Variants in TOX observed in about 807,000 individuals in gnomAD.
TOX encodes thymocyte selection associated high mobility group box.
Under a neutral mutation model 53.7 loss-of-function variants are expected in TOX, and 11 were observed. The ratio of observed to expected loss-of-function variants is 0.20; its 90% CI spans 0.13 to 0.34. The LOEUF (loss-of-function observed/expected upper bound fraction) is 0.34. Ranked by LOEUF, TOX falls within the 10% of genes least tolerant of loss-of-function variation. The pLI is 1.00. For synonymous variants in TOX, 225 were observed against 245.3 expected (o/e 0.92, Z 0.77); for missense variants, 570 against 664.6 (o/e 0.86, Z 1.56).
At chr8:58,842,618 C>T (rs10504263) in intron 4 of TOX, among the ~76,000 whole-genome samples, 27,305 of 152,094 alleles carry the variant, frequency 0.18, 2,767 homozygotes, top group Non-Finnish European at 0.23. Flanking sequence ...CAGTATGGTA[C>T]GGGCTTTAGA....
In TOX at chr8:58,819,197, G is replaced by A. The variant is rs1810230266; in HGVS notation, c.1006-3473C>T. Among the ~76,000 whole-genome samples, 3 of 152,134 alleles carry A rather than the reference G, an allele frequency of 2.0e-5. No individual in the cohort carries two copies. In the South Asian group the frequency reaches 6.2e-4, roughly 32 times the overall value. Reference sequence around the variant, plus strand: ...ACTGTGAAAGCAAGGCTACAATTTTGCTGATCAATTATATTGCATATGAAG... The same window carrying A: ...ACTGTGAAAGCAAGGCTACAATTTTACTGATCAATTATATTGCATATGAAG... On this transcript the variant is annotated intron_variant, in intron 6 of 8. Transcript: ENST00000361421.
At chr8:58,842,638 A>C (rs990684482) in intron 4 of TOX, among the ~76,000 whole-genome samples, 7 of 152,158 alleles carry the variant, frequency 4.6e-5, no homozygotes, top group Admixed American at 1.3e-4. Context: ...ATCTACTGGA[A>C]GTGTGATTCC....
At chr8:59,008,507 G>A (rs535341845) in intron 1 of TOX, among the ~76,000 whole-genome samples, 1 of 152,360 alleles carries the variant, frequency 6.6e-6, no homozygotes, top group African/African-American at 2.4e-5. Context: ...GGAAAGGACC[G>A]GAGGTCCACG....
At chr8:58,940,847 C>A (rs1812425868) in intron 2 of TOX, among the ~76,000 whole-genome samples, 2 of 152,110 alleles carry the variant, frequency 1.3e-5, no homozygotes. Flanking sequence ...TCTTCAAGTT[C>A]CACTTTCTAA....
chr8:58,815,281 C>T (rs1402333929), intron 7 of TOX, 57 bp downstream of exon 7: 8 of 1,519,336 alleles, frequency 5.3e-6, no homozygotes, highest in Admixed American at 2.1e-5. Context: ...CCCCCACCTC[C>T]ACCACCACAC....
intron 3 of TOX, among the ~76,000 whole-genome samples, chr8:58,886,579 A>G (rs1811471982): frequency 6.6e-6 from 1 of 152,162 alleles, no homozygotes; most frequent in African/African-American, 2.4e-5. Flanking sequence ...CAGTTAAAAT[A>G]ATTATTTTGA....
rs1287294937 is a variant in TOX, at chr8:58,814,387, T to C, written c.1392+951A>G. On this transcript the variant is annotated intron_variant, in intron 7 of 8. Transcript: ENST00000361421. ...GTGATTTGTAGTTTTTACTTTTATT[T>C]ATTTTTTTAAAAAATTATATTCAGT... The C allele has an allele frequency of 3.9e-5, 6 of 152,166 alleles. No homozygotes were observed. In the East Asian group the frequency reaches 7.7e-4, roughly 20 times the overall value. 9.4% of individuals were successfully genotyped at this position (152,166 alleles called of 1,614,324 possible).
intron 6 of TOX, among the ~76,000 whole-genome samples, chr8:58,822,160 T>C (rs1318014428): frequency 6.6e-6 from 1 of 152,244 alleles, no homozygotes. Context: ...CAGATTAAAT[T>C]AATCTAATTT....
chr8:58,823,661 G>T (rs1333406892), intron 6 of TOX, among the ~76,000 whole-genome samples: 2 of 152,168 alleles, frequency 1.3e-5, no homozygotes, highest in East Asian at 3.9e-4. Flanking sequence ...TAATTTTAAA[G>T]GATCACTTCA....
intron 3 of TOX, among the ~76,000 whole-genome samples, chr8:58,921,374 T>C (rs1034608188): frequency 6.6e-6 from 1 of 152,178 alleles, no homozygotes; most frequent in African/African-American, 2.4e-5. Flanking sequence ...ACGAATCGGA[T>C]CCAAATGTCA....
chr8:58,944,509 C>T (rs895645143), intron 2 of TOX, among the ~76,000 whole-genome samples: 2 of 152,152 alleles, frequency 1.3e-5, no homozygotes, highest in Non-Finnish European at 2.9e-5. Flanking sequence ...GGCGAGAATA[C>T]GCATGACTTC....
intron 3 of TOX, among the ~76,000 whole-genome samples, chr8:58,914,028 A>G (rs778504271): frequency 2.6e-5 from 4 of 152,228 alleles, no homozygotes; most frequent in Non-Finnish European, 4.4e-5. Context: ...ATCATTTGGC[A>G]GTTGACTAAA....
intron 1 of TOX, among the ~76,000 whole-genome samples, chr8:59,025,300 G>A (rs1446575895): frequency 6.6e-6 from 1 of 152,096 alleles, no homozygotes; most frequent in South Asian, 2.1e-4. Context: ...TATGCAAAAA[G>A]AAAGAAATGG....
At chr8:59,062,634 C>T (rs901816372) in intron 1 of TOX, among the ~76,000 whole-genome samples, 1 of 152,118 alleles carries the variant, frequency 6.6e-6, no homozygotes, top group Non-Finnish European at 1.5e-5. Context: ...CAACGGGTGT[C>T]GTTCTATAGT....
intron 1 of TOX, among the ~76,000 whole-genome samples, chr8:59,030,223 A>G (rs1420683347): frequency 6.6e-6 from 1 of 152,172 alleles, no homozygotes; most frequent in African/African-American, 2.4e-5. Flanking sequence ...TTTCTATGCA[A>G]ACTAATTGTA....
chr8:59,102,779 G>C (rs918211307), intron 1 of TOX, among the ~76,000 whole-genome samples: 5 of 152,098 alleles, frequency 3.3e-5, no homozygotes, highest in Non-Finnish European at 5.9e-5. Flanking sequence ...GTCTGCCTGT[G>C]GTGGAAGGAA....
chr8:58,941,883 T>A (rs1443787835), intron 2 of TOX, among the ~76,000 whole-genome samples: 1 of 151,950 alleles, frequency 6.6e-6, no homozygotes, highest in Non-Finnish European at 1.5e-5. Flanking sequence ...TGAAACCCCA[T>A]CTCTATTAAA....
intron 3 of TOX, among the ~76,000 whole-genome samples, chr8:58,924,187 A>G (rs562590036): frequency 6.6e-6 from 1 of 152,362 alleles, no homozygotes; most frequent in African/African-American, 2.4e-5. Flanking sequence ...TGCATCAAAC[A>G]TCTTGCTATT....
intron 4 of TOX, among the ~76,000 whole-genome samples, chr8:58,846,224 CT>C (rs142767155): frequency 0.17 from 25,931 of 151,404 alleles, 2,635 homozygotes; most frequent in Non-Finnish European, 0.23. Flanking sequence ...GAATAGAATA[CT>C]TTTTTTTTAA....
Sources: gnomAD v4.1 joint callset for allele counts (sites outside exome capture counted in the v4.1 genomes callset) on GRCh38, gnomAD v4.1.1 for gene constraint, MANE v1.5 for transcripts, NCBI Gene and HGNC (gene_info 2026-07-23, HGNC 2026-07-21) for gene names.